The following CADM2 variants were observed in gnomAD, a reference collection of about 807,000 sequenced individuals.
The protein encoded by CADM2 is cell adhesion molecule 2, also known as immunoglobulin superfamily member 4D.
A neutral mutation model predicts 49.8 loss-of-function variants in CADM2; 12 were observed. That is an observed-to-expected ratio of 0.24 (90% CI 0.15 to 0.39). The LOEUF (loss-of-function observed/expected upper bound fraction) is 0.39. Ranked by LOEUF, CADM2 falls within the 10% of genes least tolerant of loss-of-function variation. CADM2 has a pLI of 1.00. For synonymous variants in CADM2, 214 were observed against 175.4 expected (o/e 1.22, Z -1.74); for missense variants, 378 against 492.3 (o/e 0.77, Z 2.20).
intron 1 of CADM2, among the ~76,000 whole-genome samples, chr3:85,377,390 C>T (rs2107341971): frequency 6.6e-6 from 1 of 152,144 alleles, no homozygotes; most frequent in African/African-American, 2.4e-5. Flanking sequence ...TTTCACCTTG[C>T]CAACGGAAGT....
intron 1 of CADM2, among the ~76,000 whole-genome samples, chr3:84,998,006 T>C (rs2033265341): frequency 6.6e-6 from 1 of 152,168 alleles, no homozygotes; most frequent in African/African-American, 2.4e-5. Context: ...TACTGGATTG[T>C]GTTGGGTTCT....
intron 1 of CADM2, among the ~76,000 whole-genome samples, chr3:85,058,760 G>A (rs961309433): frequency 2.6e-5 from 4 of 152,002 alleles, no homozygotes; most frequent in Non-Finnish European, 2.9e-5. Flanking sequence ...GATTTTAAAT[G>A]TAGTATTGGT....
chr3:84,998,590 C>A (rs766354407), intron 1 of CADM2, among the ~76,000 whole-genome samples: 2 of 152,062 alleles, frequency 1.3e-5, no homozygotes, highest in Non-Finnish European at 2.9e-5. Flanking sequence ...GTAGATTTGA[C>A]CAGCATGCAG....
rs553288945 is a variant in CADM2, at chr3:85,224,387, A to G, written c.61+264719A>G. On this transcript the variant is annotated intron_variant, in intron 1 of 9. Transcript: ENST00000383699. ...ATTTTTTCATAAGTTTGTTGGCTCC[A>G]TAAATGTCTTCTTTTGAGAAGTGTC... is the stretch of plus-strand genomic sequence containing the variant. Among the ~76,000 whole-genome samples the G allele has an allele frequency of 2.6e-5, 4 of 152,304 alleles. No individual in the cohort carries two copies. The South Asian group carries it at 8.3e-4, about 32-fold the overall frequency.
At chr3:85,206,222 A>G (rs1049824632) in intron 1 of CADM2, among the ~76,000 whole-genome samples, 2 of 151,906 alleles carry the variant, frequency 1.3e-5, no homozygotes, top group African/African-American at 4.8e-5. Flanking sequence ...TAAGTATTTG[A>G]TCATTGAAGT....
chr3:85,004,279 T>C (rs1245020311), intron 1 of CADM2, among the ~76,000 whole-genome samples: 2 of 152,160 alleles, frequency 1.3e-5, no homozygotes, highest in East Asian at 3.8e-4. Context: ...AAATATCTTT[T>C]TCTCATTCTA....
chr3:85,492,013 A>G (rs1363740298), intron 1 of CADM2, among the ~76,000 whole-genome samples: 1 of 151,780 alleles, frequency 6.6e-6, no homozygotes. Context: ...ATACACTTCT[A>G]CCCTGGGAAA....
At chr3:85,265,898 C>T (rs1033000562) in intron 1 of CADM2, among the ~76,000 whole-genome samples, 2 of 151,830 alleles carry the variant, frequency 1.3e-5, no homozygotes, top group Non-Finnish European at 2.9e-5. Flanking sequence ...TTCCAACCTC[C>T]TTTTTCTGCC....
intron 1 of CADM2, among the ~76,000 whole-genome samples, chr3:85,204,918 A>G (rs1003045539): frequency 6.6e-6 from 1 of 151,988 alleles, no homozygotes; most frequent in African/African-American, 2.4e-5. Context: ...TAAAATGAAG[A>G]TTTTCCTAAA....
intron 3 of CADM2, among the ~76,000 whole-genome samples, chr3:85,810,751 G>A (rs556864188): frequency 3.5e-4 from 53 of 151,856 alleles, no homozygotes; most frequent in African/African-American, 1.1e-3. Context: ...TGTTGACCAC[G>A]CTGGTCTCGA....
intron 1 of CADM2, among the ~76,000 whole-genome samples, chr3:85,260,264 A>G (rs1222624984): frequency 6.6e-6 from 1 of 152,080 alleles, no homozygotes; most frequent in Non-Finnish European, 1.5e-5. Context: ...CTAAGTATTC[A>G]GGCAGTGATT....
At chr3:86,003,470 G>C (rs958702069) in intron 8 of CADM2, among the ~76,000 whole-genome samples, 1 of 152,246 alleles carries the variant, frequency 6.6e-6, no homozygotes, top group Admixed American at 6.5e-5. Flanking sequence ...TTCTTGACAC[G>C]TCTATAAATA....
chr3:85,523,266 G>T (rs1472132527), intron 1 of CADM2, among the ~76,000 whole-genome samples: 1 of 152,062 alleles, frequency 6.6e-6, no homozygotes, highest in African/African-American at 2.4e-5. Flanking sequence ...TCTAATCAGA[G>T]ATAAAGGAAG....
intron 1 of CADM2, among the ~76,000 whole-genome samples, chr3:85,680,563 A>G (rs187692528): frequency 2.6e-5 from 4 of 152,298 alleles, no homozygotes; most frequent in East Asian, 3.9e-4. Flanking sequence ...TTATTGAATG[A>G]CATGATGAAT....
chr3:85,176,634 A>AT (rs1173947032), intron 1 of CADM2, among the ~76,000 whole-genome samples: 19 of 152,068 alleles, frequency 1.2e-4, no homozygotes, highest in Admixed American at 3.3e-4. Context: ...GGGATTAAGG[A>AT]TTTTTTCCAT....
intron 8 of CADM2, among the ~76,000 whole-genome samples, chr3:85,970,253 G>T (rs981993709): frequency 6.6e-6 from 1 of 151,400 alleles, no homozygotes; most frequent in Non-Finnish European, 1.5e-5. Context: ...TTCCAAGTAT[G>T]TGTTTTCATC....
At chr3:86,050,520 T>C (rs1459481663) in intron 8 of CADM2, among the ~76,000 whole-genome samples, 1 of 152,188 alleles carries the variant, frequency 6.6e-6, no homozygotes, top group East Asian at 1.9e-4. Context: ...CTCCAGCCTC[T>C]CATTTCCCAC....
At chr3:85,354,785 G>A (rs1474352412) in intron 1 of CADM2, among the ~76,000 whole-genome samples, 1 of 152,092 alleles carries the variant, frequency 6.6e-6, no homozygotes, top group African/African-American at 2.4e-5. Flanking sequence ...AGGCTGGGAA[G>A]CCTGGGCTCT....
At chr3:85,608,509 A>G (rs1351214182) in intron 1 of CADM2, among the ~76,000 whole-genome samples, 1 of 152,178 alleles carries the variant, frequency 6.6e-6, no homozygotes, top group Non-Finnish European at 1.5e-5. Flanking sequence ...GTGGTGATAA[A>G]TAAGTCAATT....
Sources: allele counts gnomAD v4.1 joint callset (sites outside exome capture counted in the v4.1 genomes callset), GRCh38; gene constraint gnomAD v4.1.1; transcripts MANE v1.5; gene names NCBI Gene and HGNC (gene_info 2026-07-23, HGNC 2026-07-21).